PTCHD4: variants seen among roughly 807,000 people sequenced by gnomAD.
The protein encoded by PTCHD4 is patched domain-containing protein 4.
PTCHD4 carries 33 observed loss-of-function variants against 58.1 expected under a neutral mutation model. That is an observed-to-expected ratio of 0.57 (90% confidence interval 0.43 to 0.76). The LOEUF is 0.76. PTCHD4 is among the 30% of genes least tolerant of loss of function. PTCHD4 has a pLI of 0.00. For synonymous variants in PTCHD4, 478 were observed against 409.6 expected (o/e 1.17, Z -2.02); for missense variants, 1,058 against 1,027.1 (o/e 1.03, Z -0.41).
chr6:47,895,986 T>C (rs1048589735), intron 4 of PTCHD4, among the ~76,000 whole-genome samples: 2 of 152,166 alleles, frequency 1.3e-5, no homozygotes, highest in Non-Finnish European at 2.9e-5. Context: ...CCTAGCAGTG[T>C]CATGCGGATA....
intron 4 of PTCHD4, among the ~76,000 whole-genome samples, chr6:47,909,560 A>T (rs543998353): frequency 6.6e-6 from 1 of 152,044 alleles, no homozygotes; most frequent in South Asian, 2.1e-4. Context: ...CGGTCCTTCT[A>T]TCTTGGCCTC....
At chr6:48,098,160 C>A (rs1765513949) in intron 1 of PTCHD4, among the ~76,000 whole-genome samples, 2 of 152,220 alleles carry the variant, frequency 1.3e-5, no homozygotes, top group South Asian at 4.2e-4. Context: ...CTTCAAGCAT[C>A]ATTAATGTCA....
intron 4 of PTCHD4, among the ~76,000 whole-genome samples, chr6:47,956,642 T>C (rs112322222): frequency 0.041 from 6,306 of 152,032 alleles, 239 homozygotes; most frequent in African/African-American, 0.099. Context: ...ACCGTGTTAG[T>C]CAAGATGGTA....
At position 47,864,188 on chromosome 6, in the gene PTCHD4, T is replaced by G. The variant is rs1338301849; in HGVS notation, c.*14115A>C. Reference sequence around the variant, plus strand: ...CAGGCCTCACTCCAGATCTATTGAATCAGAACCTCTGGAGATGGGGATATG... The same window carrying G: ...CAGGCCTCACTCCAGATCTATTGAAGCAGAACCTCTGGAGATGGGGATATG... On this transcript the variant is annotated 3_prime_UTR_variant, in exon 5 of 5. Transcript: ENST00000339488. Among the ~76,000 whole-genome samples, 1 of 151,900 alleles carries G rather than the reference T, an allele frequency of 6.6e-6. No homozygotes were observed. The highest frequency in any genetic ancestry group is 2.4e-5 in the African/African-American group (1 of 41,404).
chr6:48,082,584 C>T (rs1765186891), intron 1 of PTCHD4, among the ~76,000 whole-genome samples: 1 of 152,172 alleles, frequency 6.6e-6, no homozygotes, highest in African/African-American at 2.4e-5. Flanking sequence ...TTCCTACTTT[C>T]AGTTATACTC....
intron 1 of PTCHD4, among the ~76,000 whole-genome samples, chr6:48,078,978 G>T (rs148303273): frequency 4.0e-5 from 6 of 151,872 alleles, no homozygotes. Flanking sequence ...AATTAGCCGG[G>T]CGTGGTGCCG....
chr6:48,087,690 C>T (rs1447018585), intron 1 of PTCHD4, among the ~76,000 whole-genome samples: 3 of 152,142 alleles, frequency 2.0e-5, no homozygotes, highest in African/African-American at 4.8e-5. Context: ...TCAGAATTAT[C>T]GTTCTTCAAA....
rs976253363 is a variant in PTCHD4, at chr6:47,988,488, T to G, written c.898+20146A>C. Among the ~76,000 whole-genome samples the G allele has an allele frequency of 2.6e-5, 4 of 152,258 alleles. No homozygotes were observed. In the Middle Eastern group the frequency reaches 0.014, roughly 518 times the overall value. ...CTAATTATAAAAACCTTAGAGACTG[T>G]GCTGATATGGTTTGGCTCTCTGTCC... On this transcript the variant is annotated intron_variant, in intron 4 of 4. Coordinates refer to ENST00000339488, the MANE Select transcript of PTCHD4 (RefSeq NM_001384253.1).
At chr6:47,910,011 A>G (rs983613229) in intron 4 of PTCHD4, among the ~76,000 whole-genome samples, 1 of 152,162 alleles carries the variant, frequency 6.6e-6, no homozygotes, top group Non-Finnish European at 1.5e-5. Context: ...GAGGTCATTA[A>G]TAACTGATTA....
chr6:47,954,608 T>C (rs1474526141), intron 4 of PTCHD4, among the ~76,000 whole-genome samples: 2 of 152,210 alleles, frequency 1.3e-5, no homozygotes, highest in East Asian at 3.8e-4. Context: ...CTTTAAGTGT[T>C]GCAGCATTAG....
In PTCHD4 at chr6:48,069,160, G is replaced by A. The variant is rs1389543973; in HGVS notation, c.-203C>T. Reference sequence around the variant, plus strand: ...CATAAAGGGGGGGGGGGCTGAGGGGGGGAGAGGAGGGAGAAGGGCGGGAGC... The same window carrying A: ...CATAAAGGGGGGGGGGGCTGAGGGGAGGAGAGGAGGGAGAAGGGCGGGAGC... On this transcript the variant is annotated 5_prime_UTR_variant, in exon 2 of 5. Coordinates refer to ENST00000339488, the MANE Select transcript of PTCHD4 (RefSeq NM_001384253.1). Among the ~76,000 whole-genome samples the A allele has an allele frequency of 1.5e-5, 2 of 133,114 alleles. No homozygotes were observed. Among genetic ancestry groups the A allele is most frequent in the African/African-American group, 5.5e-5 (2 of 36,284 alleles). 87.3% of individuals were successfully genotyped at this position (133,114 alleles called of 152,430 possible).
chr6:47,910,466 C>T (rs528880167), intron 4 of PTCHD4, among the ~76,000 whole-genome samples: 25 of 152,094 alleles, frequency 1.6e-4, no homozygotes, highest in Admixed American at 1.6e-3. Context: ...TCCTGTCTTC[C>T]CCTAATAATG....
rs144036065 is a variant in PTCHD4 at position 47,859,958 on chromosome 6, CAG to C, written c.*18343_*18344del. ...CTGGAGAAGTGGTCAGAGCAGGAGA[CAG>C]GGGAACAGACTGGGTGGGGCTTCCC... On this transcript the variant is annotated 3_prime_UTR_variant, in exon 5 of 5. Coordinates refer to ENST00000339488, the MANE Select transcript of PTCHD4 (RefSeq NM_001384253.1). 0.042 allele frequency among the ~76,000 whole-genome samples: 6,346 copies of C among 151,944 alleles called. 186 individuals carry two copies. The highest frequency in any genetic ancestry group is 0.1 in the East Asian group (528 of 5,116).
chr6:47,904,761 A>C (rs1306925742), intron 4 of PTCHD4, among the ~76,000 whole-genome samples: 1 of 152,216 alleles, frequency 6.6e-6, no homozygotes, highest in African/African-American at 2.4e-5. Flanking sequence ...CTTTGAAAAC[A>C]TTTAGCAATC....
In PTCHD4 at chr6:48,104,972, A is replaced by G. The variant is rs372226276; in HGVS notation, c.-970+6077T>C. Among the ~76,000 whole-genome samples the G allele has an allele frequency of 2.6e-5, 4 of 152,310 alleles. No individual in the cohort carries two copies. The East Asian group carries it at 7.7e-4, about 29-fold the overall frequency. On this transcript the variant is annotated intron_variant, in intron 1 of 4. Transcript: ENST00000339488. Reference sequence around the variant, plus strand: ...TAAAGCAAGTCCTTACAGACCAACAAAGAGACTTAGATTCCCACACAATAA... The same window carrying G: ...TAAAGCAAGTCCTTACAGACCAACAGAGAGACTTAGATTCCCACACAATAA...
intron 4 of PTCHD4, among the ~76,000 whole-genome samples, chr6:47,889,997 T>C (rs1432338592): frequency 6.6e-6 from 1 of 152,086 alleles, no homozygotes. Flanking sequence ...TGTAGTTCTA[T>C]GTAGTATAAA....
In PTCHD4 at chr6:47,870,257, T is replaced by C. The variant is rs1289685893; in HGVS notation, c.*8046A>G. On this transcript the variant is annotated 3_prime_UTR_variant, in exon 5 of 5. Transcript: ENST00000339488. ...TAATTGTTATTTTTCTTAAGATTTG[T>C]ACCTGTAAGCTTTAGATAATAGATT... Among the ~76,000 whole-genome samples the C allele has an allele frequency of 6.6e-6, 1 of 151,678 alleles. No homozygotes were observed. The highest frequency in any genetic ancestry group is 1.5e-5 in the Non-Finnish European group (1 of 67,720).
At chr6:48,073,009 A>G (rs1765002653) in intron 1 of PTCHD4, among the ~76,000 whole-genome samples, 1 of 152,232 alleles carries the variant, frequency 6.6e-6, no homozygotes, top group South Asian at 2.1e-4. Context: ...AAGATAAGTT[A>G]TATGATAAAA....
intron 4 of PTCHD4, among the ~76,000 whole-genome samples, chr6:47,888,625 GT>G (rs1305497078): frequency 6.6e-6 from 1 of 151,712 alleles, no homozygotes; most frequent in Non-Finnish European, 1.5e-5. Context: ...AATTTATTTT[GT>G]AGTTTTTTGT....
Sources: gnomAD v4.1 joint callset for allele counts (sites outside exome capture counted in the v4.1 genomes callset) on GRCh38, gnomAD v4.1.1 for gene constraint, MANE v1.5 for transcripts, NCBI Gene and HGNC (gene_info 2026-07-23, HGNC 2026-07-21) for gene names.